ASTN2: variants seen among roughly 807,000 people sequenced by gnomAD.
ASTN2 encodes the protein astrotactin 2.
In ASTN2, 54 loss-of-function variants were observed where a neutral mutation model predicts 139.8. The observed-to-expected ratio is 0.39, with a 90% confidence interval of 0.31 to 0.48. ASTN2 has a LOEUF of 0.48. Among genes scored for constraint, ASTN2 ranks in the 20% least tolerant of loss-of-function variants. The pLI is 0.95. For synonymous variants in ASTN2, 756 were observed against 719.5 expected (o/e 1.05, Z -0.81); for missense variants, 1,565 against 1,725.1 (o/e 0.91, Z 1.64).
chr9:116,691,729 G>C (rs1860577682), intron 16 of ASTN2, among the ~76,000 whole-genome samples: 1 of 152,190 alleles, frequency 6.6e-6, no homozygotes, highest in Admixed American at 6.5e-5. Context: ...ACACACAGGA[G>C]TGGATGTCAG....
chr9:117,351,404 AC>A (rs2130880761), intron 1 of ASTN2, among the ~76,000 whole-genome samples: 1 of 152,332 alleles, frequency 6.6e-6, no homozygotes, highest in Non-Finnish European at 1.5e-5. Context: ...CTGAAACAAA[AC>A]AAAAAAAATC....
At chr9:116,545,771 G>A (rs766068467) in intron 19 of ASTN2, 3 of 152,168 alleles carry the variant, frequency 2.0e-5, no homozygotes, top group Non-Finnish European at 4.4e-5. Flanking sequence ...GCACTGAGCT[G>A]GGCATTGAGG....
chr9:117,156,189 G>T (rs1830429492), intron 3 of ASTN2, among the ~76,000 whole-genome samples: 1 of 152,052 alleles, frequency 6.6e-6, no homozygotes, highest in South Asian at 2.1e-4. Context: ...CACGATGCAT[G>T]CATTATGTAT....
At chr9:117,289,091 A>G (rs1834520787) in intron 2 of ASTN2, among the ~76,000 whole-genome samples, 1 of 152,138 alleles carries the variant, frequency 6.6e-6, no homozygotes, top group African/African-American at 2.4e-5. Flanking sequence ...CTCTAGAGAG[A>G]GCAGTGTTAT....
chr9:117,260,387 A>T (rs1427283573), intron 2 of ASTN2, among the ~76,000 whole-genome samples: 1 of 152,170 alleles, frequency 6.6e-6, no homozygotes, highest in African/African-American at 2.4e-5. Flanking sequence ...GTTCCACTCT[A>T]TCCTGGATAA....
chr9:117,275,152 A>G (rs746169724), intron 2 of ASTN2, among the ~76,000 whole-genome samples: 1 of 152,138 alleles, frequency 6.6e-6, no homozygotes, highest in Admixed American at 6.5e-5. Context: ...CAGAAACCTC[A>G]CCACATGCAC....
At chr9:116,448,234 G>A (rs1178137523) in intron 20 of ASTN2, among the ~76,000 whole-genome samples, 4 of 152,152 alleles carry the variant, frequency 2.6e-5, no homozygotes, top group Non-Finnish European at 5.9e-5. Context: ...CCCCCACACA[G>A]CTTTGGCAAA....
At chr9:116,507,769 G>C (rs2119168666) in intron 19 of ASTN2, among the ~76,000 whole-genome samples, 1 of 152,150 alleles carries the variant, frequency 6.6e-6, no homozygotes, top group South Asian at 2.1e-4. Flanking sequence ...TCGATCCTCA[G>C]GTCCCCATTT....
intron 19 of ASTN2, among the ~76,000 whole-genome samples, chr9:116,600,483 A>T (rs1471410917): frequency 6.6e-6 from 1 of 152,194 alleles, no homozygotes; most frequent in African/African-American, 2.4e-5. Context: ...TGGTCAGAAG[A>T]TGTAAATTCA....
chr9:117,096,900 T>A (rs1407015732), intron 4 of ASTN2, among the ~76,000 whole-genome samples: 1 of 152,156 alleles, frequency 6.6e-6, no homozygotes, highest in Non-Finnish European at 1.5e-5. Context: ...ATGGGCCATG[T>A]GGGCAGTCAG....
chr9:117,138,610 A>AAT (rs1830005544), intron 4 of ASTN2, among the ~76,000 whole-genome samples: 1 of 152,228 alleles, frequency 6.6e-6, no homozygotes, highest in Non-Finnish European at 1.5e-5. Context: ...ATCTTTCTAA[A>AAT]AGATTGCTTT....
chr9:116,594,681 C>T (rs982405456), intron 19 of ASTN2, among the ~76,000 whole-genome samples: 4 of 152,138 alleles, frequency 2.6e-5, no homozygotes, highest in African/African-American at 9.7e-5. Flanking sequence ...AGAAGCTCAG[C>T]TGCTGCAGAA....
intron 10 of ASTN2, among the ~76,000 whole-genome samples, chr9:116,971,107 T>C (rs1836183430): frequency 6.6e-6 from 1 of 152,180 alleles, no homozygotes; most frequent in Admixed American, 6.5e-5. Flanking sequence ...GTATATGGCA[T>C]AGTATCTGGT....
intron 19 of ASTN2, among the ~76,000 whole-genome samples, chr9:116,509,854 T>C (rs1292719152): frequency 6.6e-6 from 1 of 152,158 alleles, no homozygotes; most frequent in African/African-American, 2.4e-5. Context: ...GATGGGGTTG[T>C]TTCTTTTTTT....
intron 6 of ASTN2, among the ~76,000 whole-genome samples, 163 bp downstream of exon 6, chr9:117,039,656 C>T (rs1433172248): frequency 6.6e-6 from 1 of 152,026 alleles, no homozygotes; most frequent in East Asian, 1.9e-4. Context: ...ATCCAGATTA[C>T]AAAGGATAAG....
intron 17 of ASTN2, among the ~76,000 whole-genome samples, chr9:116,635,332 A>C (rs1164692363): frequency 6.6e-6 from 1 of 152,180 alleles, no homozygotes; most frequent in Non-Finnish European, 1.5e-5. Flanking sequence ...TGTGAAATTT[A>C]AATGTAAATC....
chr9:116,466,873 T>C (rs1410719795), intron 20 of ASTN2, among the ~76,000 whole-genome samples: 1 of 152,220 alleles, frequency 6.6e-6, no homozygotes, highest in East Asian at 1.9e-4. Context: ...AATAAGACTC[T>C]GAGAATAACA....
chr9:116,844,317 G>GT (rs560395876), intron 11 of ASTN2, among the ~76,000 whole-genome samples: 203 of 152,254 alleles, frequency 1.3e-3, no homozygotes, highest in African/African-American at 4.7e-3. Context: ...AGGTGGGACG[G>GT]TTTCTGGGTC....
intron 19 of ASTN2, among the ~76,000 whole-genome samples, chr9:116,574,331 A>G (rs1280953009): frequency 6.6e-6 from 1 of 152,204 alleles, no homozygotes; most frequent in Non-Finnish European, 1.5e-5. Context: ...AAGGTAGGAA[A>G]TGTGGCCTTT....
Sources: gnomAD v4.1 joint callset for allele counts (sites outside exome capture counted in the v4.1 genomes callset) on GRCh38, gnomAD v4.1.1 for gene constraint, MANE v1.5 for transcripts, NCBI Gene and HGNC (gene_info 2026-07-23, HGNC 2026-07-21) for gene names.